Variants in VPS13B observed in about 807,000 individuals in gnomAD.
VPS13B encodes intermembrane lipid transfer protein VPS13B.
VPS13B carries 285 observed loss-of-function variants against 426.4 expected under a neutral mutation model. The observed-to-expected ratio is 0.67, with a 90% CI of 0.61 to 0.74. The LOEUF is 0.74. VPS13B is among the 30% of genes least tolerant of loss of function. The pLI is 0.00. For missense variants in VPS13B, 4,537 were observed against 4,782.6 expected, an observed-to-expected ratio of 0.95 and a Z score of 1.51; for synonymous variants, 1,676 against 1,676.4, an observed-to-expected ratio of 1.00 and a Z score of 0.01.
At position 99,874,757 on chromosome 8, in the gene VPS13B, T is replaced by C. The variant is rs148726352; in HGVS notation, c.11746-661T>C. On this transcript the variant is annotated intron_variant, in intron 61 of 61. Transcript: ENST00000357162. ...ACCTAGTGTATCTCAGTTCTATTTG[T>C]GTTCCACTGAAGATGAGCCAGACTT... Among the ~76,000 whole-genome samples the C allele has an allele frequency of 2.6e-5, 4 of 152,342 alleles. No homozygotes were observed. The East Asian group carries it at 7.7e-4, about 29-fold the overall frequency.
At chr8:99,776,391 C>A (rs1393429619) in intron 40 of VPS13B, among the ~76,000 whole-genome samples, 2 of 152,152 alleles carry the variant, frequency 1.3e-5, no homozygotes, top group African/African-American at 4.8e-5. Context: ...CAGCCTTGAC[C>A]TGCTGTGCTT....
chr8:99,556,781 A>G, intron 31 of VPS13B, 128 bp downstream of exon 31: 1 of 1,027,648 alleles, frequency 9.7e-7, no homozygotes, highest in Non-Finnish European at 1.5e-6. Flanking sequence ...CATTATAAGC[A>G]TAAAAAATAT....
chr8:99,646,836 T>G (rs1245219175), intron 34 of VPS13B, among the ~76,000 whole-genome samples: 1 of 152,116 alleles, frequency 6.6e-6, no homozygotes, highest in Non-Finnish European at 1.5e-5. Context: ...TCTCTCCCCA[T>G]GTGATGCGCT....
In VPS13B at chr8:99,681,477, G is replaced by T. The variant is rs551239251; in HGVS notation, c.6047-18048G>T. Among the ~76,000 whole-genome samples, 34 of 152,298 alleles carry T rather than the reference G, an allele frequency of 2.2e-4. 1 individual carries two copies. The highest frequency in any genetic ancestry group is 8.2e-4 in the African/African-American group (34 of 41,570). On this transcript the variant is annotated intron_variant, in intron 35 of 61. Transcript: ENST00000357162. ...CTAACGTACGTCTTGTACAGAGGTT[G>T]CACTGTATGCCCTGTATGGAAACAA...
intron 2 of VPS13B, among the ~76,000 whole-genome samples, chr8:99,022,900 T>C (rs755527485): frequency 6.6e-5 from 10 of 152,178 alleles, no homozygotes; most frequent in Non-Finnish European, 1.3e-4. Context: ...GTGGTCCCTC[T>C]TTTTCCTTGT....
chr8:99,826,874 A>G (rs1015344267), intron 51 of VPS13B, among the ~76,000 whole-genome samples: 2 of 151,888 alleles, frequency 1.3e-5, no homozygotes, highest in African/African-American at 4.8e-5. Flanking sequence ...GATTACATTT[A>G]TTGATTTGTG....
chr8:99,302,878 C>A (rs1820438597), intron 19 of VPS13B, among the ~76,000 whole-genome samples: 1 of 152,152 alleles, frequency 6.6e-6, no homozygotes, highest in Non-Finnish European at 1.5e-5. Context: ...CTATTGAACG[C>A]ATATTGCTTT....
chr8:99,783,079 T>C (rs963743421), intron 42 of VPS13B, among the ~76,000 whole-genome samples: 6 of 152,142 alleles, frequency 3.9e-5, no homozygotes, highest in Non-Finnish European at 5.9e-5. Flanking sequence ...TCTGGATGAT[T>C]AGGAGTAGAT....
At chr8:99,740,249 G>C (rs1346198157) in intron 39 of VPS13B, among the ~76,000 whole-genome samples, 1 of 152,178 alleles carries the variant, frequency 6.6e-6, no homozygotes, top group Admixed American at 6.6e-5. Context: ...TGAATGAAAT[G>C]AAGTGAGAAG....
At chr8:99,831,705 T>G (rs928777397) in intron 51 of VPS13B, among the ~76,000 whole-genome samples, 3 of 152,164 alleles carry the variant, frequency 2.0e-5, no homozygotes, top group Non-Finnish European at 4.4e-5. Flanking sequence ...TAAAATACAA[T>G]ATAACAATCA....
intron 25 of VPS13B, among the ~76,000 whole-genome samples, chr8:99,486,067 T>G (rs1820287462): frequency 6.6e-6 from 1 of 152,184 alleles, no homozygotes; most frequent in East Asian, 1.9e-4. Flanking sequence ...AGCCCTCTGT[T>G]GCAGAATTGT....
intron 15 of VPS13B, among the ~76,000 whole-genome samples, chr8:99,157,289 C>A (rs1416949821): frequency 1.3e-5 from 2 of 148,726 alleles, no homozygotes; most frequent in African/African-American, 5.0e-5. Flanking sequence ...TTTTTTTTAA[C>A]AAATTGAAGG....
chr8:99,332,812 G>A (rs1810617063), intron 19 of VPS13B, among the ~76,000 whole-genome samples: 1 of 151,610 alleles, frequency 6.6e-6, no homozygotes, highest in Non-Finnish European at 1.5e-5. Context: ...ATTTATTTAT[G>A]TTGAAATTCT....
At chr8:99,061,527 AT>A (rs1205670479) in intron 3 of VPS13B, among the ~76,000 whole-genome samples, 1 of 151,612 alleles carries the variant, frequency 6.6e-6, no homozygotes, top group Non-Finnish European at 1.5e-5. Context: ...ATGTCTTCAT[AT>A]TTTACTGGTC....
intron 17 of VPS13B, among the ~76,000 whole-genome samples, chr8:99,207,238 G>A (rs1351563334): frequency 1.3e-5 from 2 of 151,874 alleles, no homozygotes; most frequent in African/African-American, 2.4e-5. Context: ...TTGCAATTTT[G>A]TGTGTGTGTG....
intron 17 of VPS13B, among the ~76,000 whole-genome samples, chr8:99,247,431 A>G (rs573458171): frequency 4.6e-5 from 7 of 152,266 alleles, no homozygotes; most frequent in African/African-American, 1.4e-4. Context: ...TGCCTGTGAT[A>G]TTTGTGTCTT....
chr8:99,752,085 C>T (rs1810423566), intron 39 of VPS13B, among the ~76,000 whole-genome samples: 1 of 152,046 alleles, frequency 6.6e-6, no homozygotes, highest in Admixed American at 6.6e-5. Flanking sequence ...GTGGCATGCG[C>T]CTGTAATCCC....
In VPS13B at chr8:99,634,686, G is replaced by A. The variant is rs370624058; in HGVS notation, c.5221-7125G>A. Among the ~76,000 whole-genome samples the A allele has an allele frequency of 1.2e-4, 19 of 152,060 alleles. 2 individuals carry two copies. The highest frequency in any genetic ancestry group is 4.6e-4 in the African/African-American group (19 of 41,544). On this transcript the variant is annotated intron_variant, in intron 33 of 61. Coordinates refer to ENST00000357162, the MANE Select transcript of VPS13B (RefSeq NM_152564.5). ...TGTTTTCTAGCTCTGGGTATCTGTAGTAAGGTAGTGCATACAGTGCTTGTT... is the reference window on the plus strand; with the variant it reads ...TGTTTTCTAGCTCTGGGTATCTGTAATAAGGTAGTGCATACAGTGCTTGTT...
At chr8:99,516,683 G>A (rs558738263) in intron 29 of VPS13B, among the ~76,000 whole-genome samples, 1 of 150,262 alleles carries the variant, frequency 6.7e-6, no homozygotes, top group Non-Finnish European at 1.5e-5. Flanking sequence ...AGCTACTCAG[G>A]AGGCTGAGGT....
Sources: allele counts gnomAD v4.1 joint callset (sites outside exome capture counted in the v4.1 genomes callset), GRCh38; gene constraint gnomAD v4.1.1; transcripts MANE v1.5; gene names NCBI Gene and HGNC (gene_info 2026-07-23, HGNC 2026-07-21).